RAD52: variants seen among roughly 807,000 people sequenced by gnomAD.
RAD52 encodes the protein DNA repair protein RAD52 homolog.
In RAD52, 47 loss-of-function variants were observed where a neutral mutation model predicts 55.5. The ratio of observed to expected loss-of-function variants is 0.85; its 90% CI spans 0.67 to 1.08. The LOEUF (loss-of-function observed/expected upper bound fraction) is 1.08. RAD52 is among the 50% of genes least tolerant of loss of function. The pLI is 0.00. For missense variants in RAD52, 468 were observed against 522.8 expected, an observed-to-expected ratio of 0.90 and a Z score of 1.02; for synonymous variants, 184 against 198.9, an observed-to-expected ratio of 0.92 and a Z score of 0.63.
At chr12:973,238 T>G (rs973467634) in intron 1 of RAD52, among the ~76,000 whole-genome samples, 1 of 150,916 alleles carries the variant, frequency 6.6e-6, no homozygotes. Flanking sequence ...CCCGGCTAAG[T>G]TTTTGTATTT....
chr12:921,121 G>C (rs1233331853), intron 7 of RAD52, among the ~76,000 whole-genome samples: 1 of 151,838 alleles, frequency 6.6e-6, no homozygotes, highest in Non-Finnish European at 1.5e-5. Context: ...AAACTTCTGG[G>C]GTGCAGGGAA....
intron 1 of RAD52, among the ~76,000 whole-genome samples, chr12:955,978 A>C (rs909894453): frequency 2.6e-5 from 4 of 152,044 alleles, no homozygotes; most frequent in African/African-American, 9.7e-5. Flanking sequence ...AGAGGGTTTC[A>C]CCATGTTGGC....
chr12:979,539 GTC>G (rs149039045), intron 1 of RAD52, among the ~76,000 whole-genome samples: 44 of 149,586 alleles, frequency 2.9e-4, no homozygotes, highest in South Asian at 1.3e-3. Context: ...CACATGTGCC[GTC>G]TCTCTCTCTC....
chr12:929,979 T>TC, intron 4 of RAD52, 72 bp downstream of exon 4: 1 of 1,574,136 alleles, frequency 6.4e-7, no homozygotes, highest in Non-Finnish European at 8.7e-7. Context: ...CTACCTTACC[T>TC]CCTCACCCAC....
At chr12:931,786 G>A (rs182998867) in intron 2 of RAD52, among the ~76,000 whole-genome samples, 183 of 152,288 alleles carry the variant, frequency 1.2e-3, no homozygotes, top group African/African-American at 4.3e-3. Flanking sequence ...AAGCAAGTAC[G>A]GAAAGAGCAC....
At chr12:980,250 A>G (rs1351369211) in intron 1 of RAD52, among the ~76,000 whole-genome samples, 3 of 151,066 alleles carry the variant, frequency 2.0e-5, no homozygotes, top group African/African-American at 7.3e-5. Context: ...AAAAAAAAAT[A>G]TCGGATATGT....
intron 1 of RAD52, among the ~76,000 whole-genome samples, chr12:969,525 GC>G (rs1156672301): frequency 6.6e-6 from 1 of 152,008 alleles, no homozygotes; most frequent in Non-Finnish European, 1.5e-5. Context: ...GGTGGCTCAA[GC>G]CTGTAATTCC....
chr12:914,006 G>A lies in RAD52; in HGVS notation c.1083C>T (p.Asn361=), dbSNP rs2154107473. Reference sequence around the variant, plus strand: ...TCCTGTTCTGGGTCACCATCTGGTTGTTCAAGGCTAATGTGTCAGAGGTCT... The same window carrying A: ...TCCTGTTCTGGGTCACCATCTGGTTATTCAAGGCTAATGTGTCAGAGGTCT... The part of the protein sequence containing the change: ...PAQTSDTLAL[N]NQMVTQNRTP... The change falls in exon 11 of 12, where the codon AAC becomes AAT. Residue 361 remains asparagine (N), a synonymous_variant. Coordinates refer to ENST00000358495, the MANE Select transcript of RAD52 (RefSeq NM_134424.4). 2 of 1,614,176 alleles carry A rather than the reference G, an allele frequency of 1.2e-6. No homozygotes were observed. The highest frequency in any genetic ancestry group is 1.7e-6 in the Non-Finnish European group (2 of 1,180,026).
intron 7 of RAD52, among the ~76,000 whole-genome samples, chr12:919,566 A>G (rs530861378): frequency 7.2e-5 from 11 of 152,106 alleles, no homozygotes; most frequent in Admixed American, 7.2e-4. Context: ...CCTGGCCAAC[A>G]CAGCAAAACC....
chr12:960,414 T>C (rs1958667378), intron 1 of RAD52, among the ~76,000 whole-genome samples: 1 of 152,190 alleles, frequency 6.6e-6, no homozygotes, highest in African/African-American at 2.4e-5. Flanking sequence ...AATGTTGGTG[T>C]TATTTACTGA....
intron 1 of RAD52, among the ~76,000 whole-genome samples, chr12:937,843 C>A (rs1480056197): frequency 6.6e-6 from 1 of 152,152 alleles, no homozygotes; most frequent in African/African-American, 2.4e-5. Context: ...CTGTTTATGG[C>A]AAGCTGTAAG....
At chr12:929,547 T>C (rs1288162517) in intron 5 of RAD52, 2 of 657,486 alleles carry the variant, frequency 3.0e-6, no homozygotes, top group Non-Finnish European at 5.5e-6. Context: ...TGTCAGATTT[T>C]ACCATATGCC....
At chr12:958,594 T>C (rs1958642295) in intron 1 of RAD52, among the ~76,000 whole-genome samples, 1 of 152,148 alleles carries the variant, frequency 6.6e-6, no homozygotes, top group African/African-American at 2.4e-5. Flanking sequence ...TGAAGTCATG[T>C]GAAAGAAGAA....
At chr12:926,068 G>A (rs1957017330) in intron 6 of RAD52, among the ~76,000 whole-genome samples, 1 of 152,174 alleles carries the variant, frequency 6.6e-6, no homozygotes, top group South Asian at 2.1e-4. Flanking sequence ...GTTGAAACGT[G>A]ACCTCCAATG....
chr12:973,390 C>T (rs1477680912), intron 1 of RAD52, among the ~76,000 whole-genome samples: 2 of 151,808 alleles, frequency 1.3e-5, no homozygotes, highest in Non-Finnish European at 2.9e-5. Flanking sequence ...ATAATACAGG[C>T]AAGAAATGTT....
upstream of RAD52, among the ~76,000 whole-genome samples, chr12:949,908 C>T (rs1958475602): frequency 6.6e-6 from 1 of 152,198 alleles, no homozygotes; most frequent in Non-Finnish European, 1.5e-5. Flanking sequence ...CCCTGCGCGC[C>T]CTCTGCCTCC....
At chr12:965,257 G>C (rs1271479572) in intron 1 of RAD52, among the ~76,000 whole-genome samples, 1 of 151,992 alleles carries the variant, frequency 6.6e-6, no homozygotes, top group Non-Finnish European at 1.5e-5. Flanking sequence ...GATTACAGGC[G>C]TGAGCCACTG....
chr12:926,457 C>T (rs966775771), intron 6 of RAD52, among the ~76,000 whole-genome samples: 1 of 151,966 alleles, frequency 6.6e-6, no homozygotes, highest in African/African-American at 2.4e-5. Flanking sequence ...TGAGCGATGA[C>T]GGCACCACTG....
At chr12:987,997 G>C (rs1317299769) in intron 1 of RAD52, among the ~76,000 whole-genome samples, 3 of 152,120 alleles carry the variant, frequency 2.0e-5, no homozygotes, top group Non-Finnish European at 4.4e-5. Context: ...TTGAAGTAAG[G>C]TATCTTGCTC....
Sources: gnomAD v4.1 joint callset for allele counts (sites outside exome capture counted in the v4.1 genomes callset) on GRCh38, gnomAD v4.1.1 for gene constraint, MANE v1.5 for transcripts, NCBI Gene and HGNC (gene_info 2026-07-23, HGNC 2026-07-21) for gene names.